The following SMYD4 variants were observed in gnomAD, a reference collection of about 807,000 sequenced individuals.
SMYD4 encodes protein-lysine N-methyltransferase SMYD4.
Under a neutral mutation model 72.8 loss-of-function variants are expected in SMYD4, and 68 were observed. The observed-to-expected ratio is 0.93, with a 90% confidence interval of 0.77 to 1.14. SMYD4 has a LOEUF of 1.14. Ranked by LOEUF, SMYD4 falls within the 50% of genes most tolerant of loss-of-function variation. SMYD4 has a pLI of 0.00. For synonymous variants in SMYD4, 407 were observed against 388.6 expected (o/e 1.05, Z -0.56); for missense variants, 984 against 1,003.7 (o/e 0.98, Z 0.27).
In SMYD4 at chr17:1,781,720, G is replaced by A. The variant is rs187202230; in HGVS notation, c.2262-281C>T. 36 of 211,836 alleles carry A rather than the reference G, an allele frequency of 1.7e-4. No homozygotes were observed. In the East Asian group the frequency reaches 3.6e-3, roughly 21 times the overall value. 13.1% of individuals were successfully genotyped at this position (211,836 alleles called of 1,614,324 possible). A position where few individuals can be genotyped will look rare whatever the true frequency, so the allele number is the denominator to read the frequency against. On this transcript the variant is annotated intron_variant, in intron 10 of 10. Transcript: ENST00000305513. Reference sequence around the variant, plus strand: ...ACAAGAGTTTCACTCTTGTCGCCCAGGTATTTGTGCGACCTCGGCTCACTG... The same window carrying A: ...ACAAGAGTTTCACTCTTGTCGCCCAAGTATTTGTGCGACCTCGGCTCACTG...
chr17:1,795,676 A>T (rs1418833271), intron 5 of SMYD4, among the ~76,000 whole-genome samples: 1 of 150,494 alleles, frequency 6.6e-6, no homozygotes, highest in Non-Finnish European at 1.5e-5. Context: ...TCCTGACCTC[A>T]GGTGATCCAC....
chr17:1,812,896 C>T (rs1468378802), intron 2 of SMYD4, among the ~76,000 whole-genome samples: 1 of 151,176 alleles, frequency 6.6e-6, no homozygotes, highest in Non-Finnish European at 1.5e-5. Flanking sequence ...TTCTTTATCT[C>T]ATAATTATTG....
At chr17:1,815,520 T>A (rs996918607) in intron 2 of SMYD4, among the ~76,000 whole-genome samples, 119 of 129,340 alleles carry the variant, frequency 9.2e-4, no homozygotes, top group Admixed American at 3.0e-3. Flanking sequence ...TTTTTTTTTT[T>A]AATGTCTTCT....
chr17:1,784,595 G>C, intron 7 of SMYD4, 134 bp from the exon 8 acceptor site: 1 of 1,471,770 alleles, frequency 6.8e-7, no homozygotes, highest in Non-Finnish European at 9.0e-7. Context: ...ACATCGTGAC[G>C]AAAGTCTGAG....
At chr17:1,822,350 T>C (rs999919378) in intron 2 of SMYD4, among the ~76,000 whole-genome samples, 1 of 152,198 alleles carries the variant, frequency 6.6e-6, no homozygotes, top group African/African-American at 2.4e-5. Context: ...TTTTTCCTGA[T>C]AAGTTTTGAA....
In SMYD4 at chr17:1,787,533, G is replaced by A. The variant is rs371698214; in HGVS notation, c.1609C>T (p.Leu537Phe). ...TTGGGGCTACAGGAGTGGTTCAGGA[G>A]GCTGATAACAGGGAAGATGCCTGTG... is the stretch of plus-strand genomic sequence containing the variant. ...LATGIFPVIS[L>F]LNHSCSPNTS... is the part of the protein sequence containing the mutation. The change falls in exon 6 of 11, where the codon CTC becomes TTC. Residue 537 changes from leucine to phenylalanine, a missense_variant. Physicochemically the swap from Leu to Phe is conservative, Grantham distance 22. Transcript: ENST00000305513. The A allele has an allele frequency of 4.4e-6, 7 of 1,593,762 alleles. No homozygotes were observed. In the African/African-American group the frequency reaches 8.0e-5, roughly 18 times the overall value.
intron 5 of SMYD4, among the ~76,000 whole-genome samples, chr17:1,788,837 C>T: frequency 6.6e-6 from 1 of 152,182 alleles, no homozygotes; most frequent in South Asian, 2.1e-4. Context: ...TAGCCAGAGG[C>T]TCTACCTGTG....
At position 1,784,383 on chromosome 17, in the gene SMYD4, G is replaced by A. The variant is rs1908535321; in HGVS notation, c.1963C>T (p.Gln655Ter). 6.2e-7 allele frequency: 1 copy of A among 1,614,252 alleles called. No individual in the cohort carries two copies. The highest frequency in any genetic ancestry group is 8.5e-7 in the Non-Finnish European group (1 of 1,180,040). Reference protein sequence around the residue: ...VSRDHLVSRLQDLQQQVRVAQ... With the variant: ...VSRDHLVSRL Reference sequence around the variant, plus strand: ...ACTCTGACCTGCTGCTGTAGGTCCTGTAACCGAGAGACCAGGTGGTCCCTG... The same window carrying A: ...ACTCTGACCTGCTGCTGTAGGTCCTATAACCGAGAGACCAGGTGGTCCCTG... Residue 655 changes from glutamine (Q) to a stop codon, truncating the protein, a stop_gained, in exon 8 of 11, where the codon CAG becomes TAG. Transcript: ENST00000305513. LOFTEE classifies it high-confidence loss of function.
chr17:1,823,752 C>T (rs933375719), intron 2 of SMYD4, among the ~76,000 whole-genome samples: 3 of 152,092 alleles, frequency 2.0e-5, no homozygotes, highest in African/African-American at 7.2e-5. Context: ...ATTCAGTTGA[C>T]CTGAGCCCCA....
chr17:1,793,216 C>T (rs975891770), intron 5 of SMYD4, among the ~76,000 whole-genome samples: 2 of 152,036 alleles, frequency 1.3e-5, no homozygotes, highest in East Asian at 1.9e-4. Flanking sequence ...TGTGCCTGGC[C>T]GCTATGCATA....
Position 1,805,809 on chromosome 17 carries a change from C to T in SMYD4, c.280-1094G>A, listed in dbSNP as rs1166755173. ...TCTGGGCAGCAGAGTGAGACTCTGT[C>T]TCAAAAAAATAAATTAATAATAAAA... On this transcript the variant is annotated intron_variant, in intron 3 of 10. Transcript: ENST00000305513. Among the ~76,000 whole-genome samples, 3 of 147,418 alleles carry T rather than the reference C, an allele frequency of 2.0e-5. No homozygotes were observed. The South Asian group carries it at 6.4e-4, about 32-fold the overall frequency.
intron 2 of SMYD4, among the ~76,000 whole-genome samples, chr17:1,825,012 T>G (rs1003187358): frequency 6.6e-6 from 1 of 152,188 alleles, no homozygotes; most frequent in Admixed American, 6.6e-5. Context: ...TTTTTTTCCT[T>G]CGTCTTCCAC....
intron 4 of SMYD4, among the ~76,000 whole-genome samples, chr17:1,803,144 A>AAAAC (rs1909860412): frequency 6.6e-6 from 1 of 152,196 alleles, no homozygotes; most frequent in African/African-American, 2.4e-5. Context: ...ACTGTCTCAA[A>AAAAC]AAAACAAAAC....
intron 3 of SMYD4, among the ~76,000 whole-genome samples, chr17:1,805,778 C>T (rs930243426): frequency 2.6e-5 from 4 of 151,416 alleles, no homozygotes; most frequent in Admixed American, 2.0e-4. Flanking sequence ...TACCACTGCA[C>T]TCCAGTCTGG....
In SMYD4 at chr17:1,829,897, A is replaced by T; in HGVS notation, c.-184T>A. On this transcript the variant is annotated 5_prime_UTR_variant, in exon 1 of 11. The change abolishes an upstream ATG in the 5' untranslated region. Transcript: ENST00000305513. ...CCCGCGCCAGGCCTCGCTTGGGACC[A>T]TGGGTGGGTCACGTGGGCCGCGCCT... 2 of 446,522 alleles carry T rather than the reference A, an allele frequency of 4.5e-6. No homozygotes were observed. Among genetic ancestry groups the T allele is most frequent in the Non-Finnish European group, 7.2e-6 (2 of 279,392 alleles). The allele number at this position is 446,522 out of a possible 1,614,324, so 27.7% of individuals were successfully genotyped here.
At chr17:1,808,496 A>G (rs1230829641) in intron 3 of SMYD4, among the ~76,000 whole-genome samples, 1 of 152,080 alleles carries the variant, frequency 6.6e-6, no homozygotes, top group African/African-American at 2.4e-5. Flanking sequence ...GTTTTTTTTT[A>G]CTCTTTATGC....
chr17:1,781,574 A>C (rs1220945741), intron 10 of SMYD4, 135 bp from the exon 11 acceptor site: 1 of 1,017,652 alleles, frequency 9.8e-7, no homozygotes, highest in African/African-American at 1.6e-5. Flanking sequence ...ACAGTAAGTA[A>C]GACACTGTCA....
At chr17:1,786,611 G>A (rs1908704687) in intron 7 of SMYD4, among the ~76,000 whole-genome samples, 199 bp downstream of exon 7, 1 of 152,186 alleles carries the variant, frequency 6.6e-6, no homozygotes, top group Admixed American at 6.6e-5. Context: ...CCTTTATAAA[G>A]GAAACATTAC....
intron 2 of SMYD4, among the ~76,000 whole-genome samples, chr17:1,818,232 TC>T (rs1456045934): frequency 1.3e-5 from 2 of 152,100 alleles, no homozygotes; most frequent in East Asian, 1.9e-4. Flanking sequence ...TCTCTAGAAC[TC>T]TGGGGATGTA....
Sources: allele counts gnomAD v4.1 joint callset (sites outside exome capture counted in the v4.1 genomes callset), GRCh38; gene constraint gnomAD v4.1.1; transcripts MANE v1.5; gene names NCBI Gene and HGNC (gene_info 2026-07-23, HGNC 2026-07-21).